The following TPTE2 variants were observed in gnomAD, a reference collection of about 807,000 sequenced individuals.
TPTE2 encodes the protein transmembrane phosphoinositide 3-phosphatase and tensin homolog 2, also known as phosphatidylinositol 3,4,5-trisphosphate 3-phosphatase TPTE2.
Under a neutral mutation model 78.6 loss-of-function variants are expected in TPTE2, and 53 were observed. That is an observed-to-expected ratio of 0.67 (90% confidence interval 0.54 to 0.85). TPTE2 has a LOEUF of 0.85. TPTE2 is among the 40% of genes least tolerant of loss of function. The probability of loss-of-function intolerance (pLI) is 0.00; values close to 1 mark genes in which losing one functional copy is unlikely to be tolerated. For synonymous variants in TPTE2, 175 were observed against 206.2 expected, an observed-to-expected ratio of 0.85 and a Z score of 1.30; for missense variants, 461 against 623.0, an observed-to-expected ratio of 0.74 and a Z score of 2.77.
At chr13:19,556,127 C>T in the TPTE2 span, among the ~76,000 whole-genome samples, 2 of 151,898 alleles carry the variant, frequency 1.3e-5, no homozygotes, top group African/African-American at 2.4e-5. Context: ...AATTCCTTTC[C>T]GATGCACGCT....
intron 1 of TPTE2, among the ~76,000 whole-genome samples, chr13:19,529,283 G>A (rs1480634739): frequency 6.6e-6 from 1 of 152,090 alleles, no homozygotes; most frequent in Non-Finnish European, 1.5e-5. Context: ...TAAGCCTGCA[G>A]ACTCAGGTTT....
chr13:19,451,843 G>GTATATATA (rs374568647), intron 10 of TPTE2, among the ~76,000 whole-genome samples: 3 of 147,134 alleles, frequency 2.0e-5, no homozygotes, highest in Non-Finnish European at 3.0e-5. Context: ...GTGTGTGTGT[G>GTATATATA]TATATATGTA....
intron 19 of TPTE2, among the ~76,000 whole-genome samples, chr13:19,423,602 G>A (rs989094738): frequency 1.5e-4 from 23 of 152,206 alleles, no homozygotes; most frequent in Middle Eastern, 3.4e-3. Context: ...TATGCTTAGC[G>A]TTCCAATAAT....
At chr13:19,447,826 T>C (rs1001438497) in intron 13 of TPTE2, among the ~76,000 whole-genome samples, 8 of 152,280 alleles carry the variant, frequency 5.3e-5, no homozygotes, top group South Asian at 4.1e-4. Flanking sequence ...TGGCTTTTTT[T>C]CCCCATTTTA....
At chr13:19,529,072 C>T (rs1273789392) in intron 1 of TPTE2, among the ~76,000 whole-genome samples, 3 of 152,254 alleles carry the variant, frequency 2.0e-5, no homozygotes, top group African/African-American at 4.8e-5. Context: ...GAGCCAAGAT[C>T]GTGCCACTGT....
intron 1 of TPTE2, among the ~76,000 whole-genome samples, chr13:19,523,975 C>T (rs769267646): frequency 9.2e-5 from 14 of 152,054 alleles, no homozygotes; most frequent in Middle Eastern, 3.2e-3. Context: ...AAATAGGAAT[C>T]GGGGCAATGA....
At chr13:19,470,523 A>G (rs1389802734) in intron 6 of TPTE2, among the ~76,000 whole-genome samples, 4 of 151,616 alleles carry the variant, frequency 2.6e-5, no homozygotes, top group African/African-American at 7.3e-5. Context: ...TCATTTGTTT[A>G]TTTTTATTTT....
Position 19,494,274 on chromosome 13 carries a change from G to A in TPTE2, c.12-773C>T, listed in dbSNP as rs112779220. On this transcript the variant is annotated intron_variant, in intron 1 of 19. Transcript: ENST00000400230. ...TAAAATGTGGAAGTTATTTATACAC[G>A]ATACAGTGAGATGATAAAGAACCTG... Among the ~76,000 whole-genome samples, 839 of 152,232 alleles carry A rather than the reference G, an allele frequency of 5.5e-3. 8 individuals carry two copies. Among genetic ancestry groups the A allele is most frequent in the Non-Finnish European group, 8.5e-3 (579 of 68,014 alleles).
chr13:19,551,296 TA>T, the TPTE2 span, among the ~76,000 whole-genome samples: 1 of 152,102 alleles, frequency 6.6e-6, no homozygotes, highest in African/African-American at 2.4e-5. Context: ...GCAGGTACAA[TA>T]TGAATATACA....
chr13:19,479,009 T>C (rs563041231), intron 4 of TPTE2, among the ~76,000 whole-genome samples: 213 of 151,328 alleles, frequency 1.4e-3, no homozygotes, highest in Non-Finnish European at 2.3e-3. Flanking sequence ...GGGCCTGTCA[T>C]GGGGTGGGGG....
upstream of TPTE2, among the ~76,000 whole-genome samples, chr13:19,506,390 G>T (rs1167572678): frequency 4.6e-5 from 7 of 151,270 alleles, no homozygotes; most frequent in Admixed American, 1.3e-4. Context: ...AGCCGGGATG[G>T]TCTCGATCTC....
the TPTE2 span, among the ~76,000 whole-genome samples, chr13:19,546,483 CTTT>C: frequency 2.4e-5 from 2 of 85,042 alleles, no homozygotes; most frequent in Non-Finnish European, 4.2e-5. Context: ...TTTTCTTTTT[CTTT>C]TTTTTTTTTT....
intron 6 of TPTE2, 56 bp downstream of exon 9, chr13:19,473,858 T>G (rs1384620647): frequency 2.8e-6 from 4 of 1,445,828 alleles, no homozygotes; most frequent in African/African-American, 3.0e-5. Context: ...CCTCCCAAAG[T>G]GCTTCTTATA....
intron 6 of TPTE2, among the ~76,000 whole-genome samples, chr13:19,471,232 T>A (rs1396950563): frequency 6.6e-6 from 1 of 152,146 alleles, no homozygotes; most frequent in African/African-American, 2.4e-5. Context: ...CATCCATTCA[T>A]CCACTCTGTC....
chr13:19,480,923 T>C (rs1880308511), intron 4 of TPTE2, among the ~76,000 whole-genome samples: 1 of 152,126 alleles, frequency 6.6e-6, no homozygotes, highest in Non-Finnish European at 1.5e-5. Context: ...TAAAAACTTG[T>C]AAAAAACTTA....
At chr13:19,469,507 G>A (rs1419893431) in intron 6 of TPTE2, among the ~76,000 whole-genome samples, 1 of 152,016 alleles carries the variant, frequency 6.6e-6, no homozygotes, top group African/African-American at 2.4e-5. Flanking sequence ...GGCTATTCTG[G>A]GTCTTTTGAG....
chr13:19,517,674 G>C (rs1463395163), intron 1 of TPTE2, among the ~76,000 whole-genome samples: 2 of 152,292 alleles, frequency 1.3e-5, no homozygotes, highest in Admixed American at 6.5e-5. Context: ...ACCTCGTATT[G>C]AGAATAAGTC....
chr13:19,493,715 T>A lies in TPTE2; in HGVS notation c.12-214A>T, dbSNP rs1458731364. ...AATCTTAGGCTGGGGAAAATTGTAA[T>A]GCTTCCCGATTTAAGTAAACCTCTT... On this transcript the variant is annotated intron_variant, in intron 1 of 19. Transcript: ENST00000400230. 7 of 606,968 alleles carry A rather than the reference T, an allele frequency of 1.2e-5. No homozygotes were observed. The South Asian group carries it at 1.2e-4, about 10-fold the overall frequency. 37.6% of individuals were successfully genotyped at this position (606,968 alleles called of 1,614,324 possible). A position where few individuals can be genotyped will look rare whatever the true frequency, so the allele number is the denominator to read the frequency against.
At chr13:19,445,834 C>T (rs7983177) in intron 13 of TPTE2, among the ~76,000 whole-genome samples, 28,420 of 152,164 alleles carry the variant, frequency 0.19, 3,708 homozygotes, top group African/African-American at 0.37. Flanking sequence ...CCAGTTACTC[C>T]GGAGGCTCAG....
Sources: allele counts gnomAD v4.1 joint callset (sites outside exome capture counted in the v4.1 genomes callset), GRCh38; gene constraint gnomAD v4.1.1; transcripts MANE v1.5; gene names NCBI Gene and HGNC (gene_info 2026-07-23, HGNC 2026-07-21).